HECTD4: variants seen among roughly 807,000 people sequenced by gnomAD.
HECTD4 encodes the protein probable E3 ubiquitin-protein ligase HECTD4.
HECTD4 carries 114 observed loss-of-function variants against 471.5 expected under a neutral mutation model. The observed-to-expected ratio is 0.24, with a 90% CI of 0.21 to 0.28. HECTD4 has a LOEUF of 0.28. HECTD4 is among the 10% of genes least tolerant of loss of function. The pLI is 1.00. For synonymous variants in HECTD4, 2,012 were observed against 2,256.0 expected (o/e 0.89, Z 3.07); for missense variants, 3,866 against 5,651.5 (o/e 0.68, Z 10.13).
intron 6 of HECTD4, among the ~76,000 whole-genome samples, 197 bp from the exon 7 acceptor site, chr12:112,306,431 T>C (rs945319031): frequency 3.9e-5 from 6 of 152,178 alleles, no homozygotes; most frequent in Admixed American, 6.5e-5. Context: ...CAATGGGCAA[T>C]AGAATAAATA....
intron 45 of HECTD4, 27 bp from the exon 46 acceptor site, chr12:112,217,222 CAGT>C: frequency 6.8e-7 from 1 of 1,479,768 alleles, no homozygotes; most frequent in Non-Finnish European, 9.0e-7. Context: ...AACCCATATT[CAGT>C]AGAACTGCAA....
intron 21 of HECTD4, among the ~76,000 whole-genome samples, chr12:112,254,553 C>A (rs2033965640): frequency 6.6e-6 from 1 of 151,932 alleles, no homozygotes; most frequent in South Asian, 2.1e-4. Flanking sequence ...CTTAAGTCCT[C>A]CCCAAAATTA....
chr12:112,299,971 A>G (rs1368895442), intron 7 of HECTD4, among the ~76,000 whole-genome samples: 3 of 152,212 alleles, frequency 2.0e-5, no homozygotes, highest in African/African-American at 7.2e-5. Context: ...ATGTACTTCT[A>G]GGTTGAAAAA....
intron 34 of HECTD4, among the ~76,000 whole-genome samples, chr12:112,237,990 G>A (rs1473334688): frequency 6.6e-6 from 1 of 152,096 alleles, no homozygotes; most frequent in Admixed American, 6.5e-5. Context: ...CTGACCTCTG[G>A]TGATCCGCCC....
chr12:112,371,061 A>G (rs1258633126), intron 1 of HECTD4, among the ~76,000 whole-genome samples: 1 of 152,190 alleles, frequency 6.6e-6, no homozygotes, highest in Non-Finnish European at 1.5e-5. Context: ...TTAACACCAC[A>G]GTTACCTTCA....
chr12:112,219,741 AG>A (rs1338334496), intron 44 of HECTD4, among the ~76,000 whole-genome samples: 1 of 152,076 alleles, frequency 6.6e-6, no homozygotes. Context: ...CTGGGATTAC[AG>A]GCACATGCCA....
chr12:112,355,292 A>AG (rs2036315144), intron 1 of HECTD4, among the ~76,000 whole-genome samples: 1 of 148,864 alleles, frequency 6.7e-6, no homozygotes, highest in Non-Finnish European at 1.5e-5. Context: ...GGATTCAAAA[A>AG]AAAAAAAAAA....
At chr12:112,321,303 C>T (rs2035579825) in intron 1 of HECTD4, among the ~76,000 whole-genome samples, 1 of 152,192 alleles carries the variant, frequency 6.6e-6, no homozygotes, top group Admixed American at 6.5e-5. Flanking sequence ...TATCTTCTAT[C>T]AGCTAAGAAA....
chr12:112,231,356 T>C (rs772890556), intron 39 of HECTD4, 157 bp downstream of exon 39: 10 of 659,902 alleles, frequency 1.5e-5, no homozygotes, highest in Non-Finnish European at 2.1e-5. Context: ...CTCCCCGACG[T>C]ACTCCAGGCT....
At chr12:112,363,173 CTTTT>C (rs900031483) in intron 1 of HECTD4, among the ~76,000 whole-genome samples, 1 of 151,818 alleles carries the variant, frequency 6.6e-6, no homozygotes, top group African/African-American at 2.4e-5. Context: ...CAGTTCCATT[CTTTT>C]TTAATTTTTT....
At chr12:112,185,515 AC>A in intron 60 of HECTD4, 22 bp from the exon 61 acceptor site, 1 of 1,509,504 alleles carries the variant, frequency 6.6e-7, no homozygotes, top group Non-Finnish European at 8.9e-7. Context: ...GAAAATAGTA[AC>A]AGTAATTACT....
intron 1 of HECTD4, among the ~76,000 whole-genome samples, chr12:112,355,767 A>C (rs1450378160): frequency 2.0e-5 from 3 of 152,198 alleles, no homozygotes; most frequent in Non-Finnish European, 4.4e-5. Context: ...GTCTCAAAAA[A>C]ACAATAAAAA....
At chr12:112,289,002 G>A (rs770369692) in intron 7 of HECTD4, among the ~76,000 whole-genome samples, 2 of 152,202 alleles carry the variant, frequency 1.3e-5, no homozygotes, top group African/African-American at 2.4e-5. Context: ...AAATGTTAGA[G>A]GTCATTTTAT....
intron 29 of HECTD4, among the ~76,000 whole-genome samples, chr12:112,244,863 C>T (rs1011651686): frequency 6.6e-6 from 1 of 152,072 alleles, no homozygotes; most frequent in Non-Finnish European, 1.5e-5. Flanking sequence ...TACTCCTTAA[C>T]CCTATCCAGG....
intron 1 of HECTD4, among the ~76,000 whole-genome samples, chr12:112,328,960 A>G (rs1265690396): frequency 6.6e-6 from 1 of 152,230 alleles, no homozygotes; most frequent in Non-Finnish European, 1.5e-5. Context: ...ATCTTCATAT[A>G]ACTGCTGGTG....
chr12:112,243,457 C>T lies in HECTD4; in HGVS notation c.4854G>A (p.Lys1618=), dbSNP rs1330074366. The part of the protein sequence containing the change: ...QTRWRRGNTR[K]QALVHMRELL... ...ATTCCCGCATGTGCACCAGTGCCTG[C>T]TTGCGAGTGTTTCCCCGCCGCCACC... is the stretch of plus-strand genomic sequence containing the variant. The change falls in exon 32 of 76, where the codon AAG becomes AAA. Residue 1618 remains lysine, a synonymous_variant. Coordinates refer to ENST00000682272, the MANE Select transcript of HECTD4 (RefSeq NM_001388303.1). This position sits in a 1 kb window ranked among gnomAD's most constrained non-coding sequence, Gnocchi z 6.6. 1.2e-6 allele frequency: 2 copies of T among 1,609,388 alleles called. No homozygotes were observed. The highest frequency in any genetic ancestry group is 1.1e-5 in the South Asian group (1 of 90,076).
intron 38 of HECTD4, 71 bp from the exon 39 acceptor site, chr12:112,231,786 T>TCCC: frequency 7.9e-7 from 1 of 1,272,738 alleles, no homozygotes; most frequent in Non-Finnish European, 1.1e-6. Context: ...CAAGTCTATT[T>TCCC]CCCCTCAATT....
At chr12:112,368,199 G>T (rs1435505861) in intron 1 of HECTD4, among the ~76,000 whole-genome samples, 1 of 152,138 alleles carries the variant, frequency 6.6e-6, no homozygotes, top group Non-Finnish European at 1.5e-5. Context: ...AAGCGCTAGG[G>T]ATCCAAATGT....
intron 62 of HECTD4, among the ~76,000 whole-genome samples, chr12:112,180,148 C>T (rs972463484): frequency 1.3e-5 from 2 of 152,198 alleles, no homozygotes; most frequent in African/African-American, 4.8e-5. Flanking sequence ...CTAGGCCAGG[C>T]CCAGCTGTGG....
Sources: allele counts gnomAD v4.1 joint callset (sites outside exome capture counted in the v4.1 genomes callset), GRCh38; gene constraint gnomAD v4.1.1; non-coding constraint Gnocchi (gnomAD v3.1); transcripts MANE v1.5; gene names NCBI Gene and HGNC (gene_info 2026-07-23, HGNC 2026-07-21).